Variants in HHLA2 observed in about 807,000 individuals in gnomAD.
HHLA2 encodes HHLA2 member of B7 family.
In HHLA2, 48 loss-of-function variants were observed where a neutral mutation model predicts 45.9. That is an observed-to-expected ratio of 1.05 (90% CI 0.83 to 1.33). The LOEUF (loss-of-function observed/expected upper bound fraction) is 1.33. HHLA2 is among the 40% of genes most tolerant of loss of function. The probability of loss-of-function intolerance (pLI) is 0.00; values close to 1 mark genes in which losing one functional copy is unlikely to be tolerated. For synonymous variants in HHLA2, 161 were observed against 173.9 expected, an observed-to-expected ratio of 0.93 and a Z score of 0.59; for missense variants, 462 against 494.3, an observed-to-expected ratio of 0.93 and a Z score of 0.62.
intron 2 of HHLA2, among the ~76,000 whole-genome samples, chr3:108,319,654 A>G (rs2081164571): frequency 6.6e-6 from 1 of 152,242 alleles, no homozygotes. Context: ...AGAGGCAGAC[A>G]CTAAAATATT....
chr3:108,376,636 T>C, intron 10 of HHLA2, 79 bp downstream of exon 9: 6 of 1,235,910 alleles, frequency 4.9e-6, no homozygotes, highest in Non-Finnish European at 7.0e-6. Context: ...TTCTGACTGA[T>C]TCACATATCA....
chr3:108,352,985 C>G (rs2081807933), intron 4 of HHLA2, among the ~76,000 whole-genome samples: 1 of 152,206 alleles, frequency 6.6e-6, no homozygotes, highest in Admixed American at 6.5e-5. Flanking sequence ...CCCAGTCAAG[C>G]TGAGTTTATT....
chr3:108,340,245 G>C (rs1025126039), intron 3 of HHLA2, among the ~76,000 whole-genome samples: 1 of 151,966 alleles, frequency 6.6e-6, no homozygotes, highest in Non-Finnish European at 1.5e-5. Flanking sequence ...CTCAAAGAAG[G>C]TGGTAGCTGA....
intron 1 of HHLA2, among the ~76,000 whole-genome samples, chr3:108,300,970 C>G (rs189467973): frequency 6.6e-6 from 1 of 152,164 alleles, no homozygotes; most frequent in East Asian, 1.9e-4. Flanking sequence ...TATTTCATAG[C>G]AGTACAATGA....
rs796951626 is a variant in HHLA2, at chr3:108,374,534, G to C, written c.1109-1216G>C. Among the ~76,000 whole-genome samples the C allele has an allele frequency of 1.4e-3, 211 of 150,832 alleles. 2 individuals carry two copies. In the South Asian group the frequency reaches 0.023, roughly 17 times the overall value. On this transcript the variant is annotated intron_variant, in intron 8 of 10. Coordinates refer to ENST00000619531, the Ensembl canonical transcript of HHLA2. The stretch of plus-strand genomic sequence containing the variant: ...CAGCAAAAGAAACTACCATCAGAGT[G>C]AACAGGCAACCTACAGAATGGGAGA...
exon 11 of HHLA2, chr3:108,378,007 G>T (rs925356348): frequency 5.3e-5 from 8 of 152,228 alleles, no homozygotes; most frequent in African/African-American, 1.9e-4. Flanking sequence ...ATTTGTTCCT[G>T]CCCCACCCTA....
intron 3 of HHLA2, among the ~76,000 whole-genome samples, chr3:108,331,782 A>G (rs2107382537): frequency 6.6e-6 from 1 of 152,202 alleles, no homozygotes; most frequent in East Asian, 1.9e-4. Flanking sequence ...AGTTTTCTTT[A>G]CTCTTTACCA....
chr3:108,345,288 C>T (rs2081641881), intron 3 of HHLA2, among the ~76,000 whole-genome samples: 1 of 152,200 alleles, frequency 6.6e-6, no homozygotes, highest in Non-Finnish European at 1.5e-5. Context: ...CTGAGAACTG[C>T]AGCTTCCATC....
intron 2 of HHLA2, among the ~76,000 whole-genome samples, chr3:108,320,666 C>T (rs16854451): frequency 0.1 from 15,749 of 151,912 alleles, 1,573 homozygotes; most frequent in East Asian, 0.53. Flanking sequence ...TAAATGTGGG[C>T]GGCAAATACA....
rs141373827 is a variant in HHLA2 at position 108,368,070 on chromosome 3, G to C, written c.1108+5624G>C. ...GCCAATATTTAACATTCTTAAAGAA[G>C]AGAATTTTCAACCCAGAATTTCATA... is the stretch of plus-strand genomic sequence containing the variant. On this transcript the variant is annotated intron_variant, in intron 8 of 10. Transcript: ENST00000619531. 8.0e-3 allele frequency among the ~76,000 whole-genome samples: 1,216 copies of C among 152,180 alleles called. 7 individuals carry two copies. The highest frequency in any genetic ancestry group is 0.013 in the Non-Finnish European group (878 of 67,990).
At chr3:108,354,618 C>A (rs954357601) in intron 5 of HHLA2, among the ~76,000 whole-genome samples, 1 of 152,050 alleles carries the variant, frequency 6.6e-6, no homozygotes, top group Non-Finnish European at 1.5e-5. Context: ...TACACACACA[C>A]ACATACATGC....
At chr3:108,365,842 A>G (rs886537022) in intron 8 of HHLA2, among the ~76,000 whole-genome samples, 4 of 152,202 alleles carry the variant, frequency 2.6e-5, no homozygotes, top group African/African-American at 4.8e-5. Flanking sequence ...TTGTATCCTG[A>G]GACTTTACTG....
At chr3:108,306,365 C>T (rs1357591416) in intron 1 of HHLA2, among the ~76,000 whole-genome samples, 1 of 152,160 alleles carries the variant, frequency 6.6e-6, no homozygotes, top group Non-Finnish European at 1.5e-5. Context: ...TCCAGATTTT[C>T]ATATCTCTTT....
chr3:108,350,513 G>A (rs896943865), intron 3 of HHLA2, among the ~76,000 whole-genome samples: 2 of 152,012 alleles, frequency 1.3e-5, no homozygotes, highest in Admixed American at 1.3e-4. Flanking sequence ...TAAAAAAATT[G>A]TTATTTTAAC....
At chr3:108,327,163 T>A (rs192403335) in intron 2 of HHLA2, among the ~76,000 whole-genome samples, 2 of 152,320 alleles carry the variant, frequency 1.3e-5, no homozygotes, top group Admixed American at 1.3e-4. Flanking sequence ...TCTCTCATCT[T>A]TGGCTTCTAT....
At chr3:108,355,860 GC>G (rs2081879928) in intron 6 of HHLA2, among the ~76,000 whole-genome samples, 1 of 151,926 alleles carries the variant, frequency 6.6e-6, no homozygotes. Flanking sequence ...CATAGTATTA[GC>G]CCATCAATCT....
chr3:108,320,237 G>T (rs1332460446), intron 2 of HHLA2, among the ~76,000 whole-genome samples: 1 of 152,148 alleles, frequency 6.6e-6, no homozygotes. Context: ...CAGGAAGTTT[G>T]TTCCAATTTA....
At chr3:108,325,105 T>G (rs1226061854) in intron 2 of HHLA2, among the ~76,000 whole-genome samples, 1 of 152,104 alleles carries the variant, frequency 6.6e-6, no homozygotes, top group Non-Finnish European at 1.5e-5. Flanking sequence ...GTGTGTTTTA[T>G]TTATGTTTAA....
chr3:108,362,399 CGATTTTGGCAGCTTTTCTGCT>C, exon 8 of HHLA2: 1 of 1,612,748 alleles, frequency 6.2e-7, no homozygotes, highest in Non-Finnish European at 8.5e-7. Flanking sequence ...GTGCCCTCTG[CGATTTTGGCAGCTTTTCTGCT>C]GATTTGGAGC....
Sources: allele counts gnomAD v4.1 joint callset (sites outside exome capture counted in the v4.1 genomes callset), GRCh38; gene constraint gnomAD v4.1.1; transcripts MANE v1.5; gene names NCBI Gene and HGNC (gene_info 2026-07-23, HGNC 2026-07-21).